Variants in STK32A observed in about 807,000 individuals in gnomAD.
The protein encoded by STK32A is serine/threonine kinase 32A, also known as serine/threonine-protein kinase 32A.
Under a neutral mutation model 53.2 loss-of-function variants are expected in STK32A, and 41 were observed. That is an observed-to-expected ratio of 0.77 (90% confidence interval 0.60 to 1.00). STK32A has a LOEUF of 1.00. STK32A is among the 50% of genes least tolerant of loss of function. The pLI is 0.00. For missense variants in STK32A, 458 were observed against 485.8 expected (o/e 0.94, Z 0.54); for synonymous variants, 166 against 162.8 (o/e 1.02, Z -0.15).
chr5:147,248,733 T>C (rs1422337014), intron 2 of STK32A, among the ~76,000 whole-genome samples: 1 of 152,182 alleles, frequency 6.6e-6, no homozygotes, highest in Non-Finnish European at 1.5e-5. Flanking sequence ...GCACCAGGAA[T>C]GGATAAATCC....
At chr5:147,315,119 A>T (rs547740082) in intron 4 of STK32A, among the ~76,000 whole-genome samples, 1 of 152,302 alleles carries the variant, frequency 6.6e-6, no homozygotes, top group East Asian at 1.9e-4. Context: ...TTGTACATTG[A>T]TAGTGGGAAT....
Position 147,239,726 on chromosome 5 carries a change from T to C in STK32A, c.52+40T>C, listed in dbSNP as rs1180842398. 4 of 1,525,968 alleles carry C rather than the reference T, an allele frequency of 2.6e-6. No individual in the cohort carries two copies. The South Asian group carries it at 4.8e-5, about 18-fold the overall frequency. 94.5% of individuals were successfully genotyped at this position (1,525,968 alleles called of 1,614,324 possible). A position where few individuals can be genotyped will look rare whatever the true frequency, so the allele number is the denominator to read the frequency against. ...ATAGTGGCATATAAAAAATAGAATT[T>C]TGCAAAATTCAAGTATATGCTTCTA... On this transcript the variant is annotated intron_variant, in intron 2 of 12. Coordinates refer to ENST00000397936, the MANE Select transcript of STK32A (RefSeq NM_001112724.2).
rs555689093 is a variant in STK32A at position 147,240,362 on chromosome 5, G to A, written c.52+676G>A. On this transcript the variant is annotated intron_variant, in intron 2 of 12. Coordinates refer to ENST00000397936, the MANE Select transcript of STK32A (RefSeq NM_001112724.2). ...GCAGCTGTTTATAGGTTGTCTGGGG[G>A]AAAAAAATGCCCCAAGCCCCAGGTA... Among the ~76,000 whole-genome samples the A allele has an allele frequency of 1.2e-4, 18 of 152,098 alleles. 1 individual carries two copies. The East Asian group carries it at 1.4e-3, about 11-fold the overall frequency.
chr5:147,303,525 T>C (rs1413126786), intron 4 of STK32A, among the ~76,000 whole-genome samples: 1 of 152,102 alleles, frequency 6.6e-6, no homozygotes, highest in African/African-American at 2.4e-5. Flanking sequence ...GAAGTCAGGC[T>C]CAGATTCAAG....
intron 7 of STK32A, among the ~76,000 whole-genome samples, chr5:147,356,408 T>C (rs906330776): frequency 6.6e-6 from 1 of 152,192 alleles, no homozygotes; most frequent in African/African-American, 2.4e-5. Context: ...ATATTGTATA[T>C]ATAGTACTAT....
At chr5:147,334,786 C>T (rs1755035610) in intron 5 of STK32A, among the ~76,000 whole-genome samples, 1 of 152,180 alleles carries the variant, frequency 6.6e-6, no homozygotes, top group Admixed American at 6.5e-5. Flanking sequence ...TCTAGCTCTT[C>T]TTACACTGGA....
At chr5:147,322,275 C>A (rs1372304513) in intron 4 of STK32A, among the ~76,000 whole-genome samples, 1 of 152,190 alleles carries the variant, frequency 6.6e-6, no homozygotes, top group Non-Finnish European at 1.5e-5. Flanking sequence ...AAGTTTCTGT[C>A]TAAACTCCTC....
At position 147,297,879 on chromosome 5, in the gene STK32A, C is replaced by CT. The variant is rs752342491; in HGVS notation, c.260+18483dup. ...CCTGTAATCTCAGCTACTCAGGAGGCTTAGGCAGGAGAATTGCTTGAACCT... is the reference window on the plus strand; with the variant it reads ...CCTGTAATCTCAGCTACTCAGGAGGCTTTAGGCAGGAGAATTGCTTGAACCT... On this transcript the variant is annotated intron_variant, in intron 4 of 12. Coordinates refer to ENST00000397936, the MANE Select transcript of STK32A (RefSeq NM_001112724.2). Among the ~76,000 whole-genome samples the CT allele has an allele frequency of 6.0e-5, 9 of 150,988 alleles. No homozygotes were observed. In the East Asian group the frequency reaches 9.8e-4, roughly 16 times the overall value.
intron 7 of STK32A, among the ~76,000 whole-genome samples, chr5:147,360,834 AG>A (rs1348411526): frequency 6.6e-6 from 1 of 152,224 alleles, no homozygotes; most frequent in Non-Finnish European, 1.5e-5. Context: ...GGTAAGTAAA[AG>A]GTTCATAGTG....
chr5:147,375,174 C>T lies in STK32A; in HGVS notation c.988C>T (p.Leu330=). The T allele has an allele frequency of 6.2e-7, 1 of 1,610,674 alleles. No homozygotes were observed. The highest frequency in any genetic ancestry group is 8.5e-7 in the Non-Finnish European group (1 of 1,178,500). The change falls in exon 11 of 13, where the codon CTG becomes TTG. Residue 330 remains leucine, a synonymous_variant. Transcript: ENST00000397936. ...ACCTCTACATAAGAAAAAAAAGCGTCTGGCAAAGAAGGAGAAGGATATGAG... is the reference window on the plus strand; with the variant it reads ...ACCTCTACATAAGAAAAAAAAGCGTTTGGCAAAGAAGGAGAAGGATATGAG... ...SKPLHKKKKR[L]AKKEKDMRKC...
Position 147,267,463 on chromosome 5 carries a change from T to A in STK32A, c.53-10661T>A, listed in dbSNP as rs75062996. Among the ~76,000 whole-genome samples the A allele has an allele frequency of 2.8e-3, 426 of 152,298 alleles. 1 individual carries two copies. Among genetic ancestry groups the A allele is most frequent in the African/African-American group, 9.9e-3 (410 of 41,576 alleles). On this transcript the variant is annotated intron_variant, in intron 2 of 12. Transcript: ENST00000397936. ...GTAATTTAACTTTTCTGGGTTTATG[T>A]AACATATCTATAAAGTAGCAATAAT...
chr5:147,369,042 C>A (rs954721574), intron 8 of STK32A, among the ~76,000 whole-genome samples: 1 of 152,034 alleles, frequency 6.6e-6, no homozygotes, highest in African/African-American at 2.4e-5. Flanking sequence ...AGTAACCTAA[C>A]CCTTTGGCTA....
chr5:147,319,127 A>G (rs1395834133), intron 4 of STK32A, among the ~76,000 whole-genome samples: 1 of 150,378 alleles, frequency 6.6e-6, no homozygotes, highest in Non-Finnish European at 1.5e-5. Context: ...AAAAACAAAA[A>G]CACAACTGGT....
rs370696772 is a variant in STK32A at position 147,279,361 on chromosome 5, A to G, written c.223A>G (p.Met75Val). Residue 75 changes from methionine to valine, a missense_variant, in exon 4 of 13, where the codon ATG (methionine) becomes GTG (valine). Transcript: ENST00000397936. ...AAATGTCTTCAAGGAACTCCAGATCATGCAGGGTCTGGAGCACCCTTTCCT... is the reference window on the plus strand; with the variant it reads ...AAATGTCTTCAAGGAACTCCAGATCGTGCAGGGTCTGGAGCACCCTTTCCT... ...VRNVFKELQI[M>V]QGLEHPFLVN... 3 of 1,608,468 alleles carry G rather than the reference A, an allele frequency of 1.9e-6. No individual in the cohort carries two copies. Among genetic ancestry groups the G allele is most frequent in the African/African-American group, 2.7e-5 (2 of 74,878 alleles).
downstream of STK32A, chr5:147,391,743 G>A (rs1026073267): frequency 6.6e-6 from 1 of 152,208 alleles, no homozygotes. Context: ...TGCTTGGAGA[G>A]TTAGTAATGG....
chr5:147,294,045 A>G (rs184625238), intron 4 of STK32A, among the ~76,000 whole-genome samples: 5 of 152,328 alleles, frequency 3.3e-5, no homozygotes, highest in Non-Finnish European at 5.9e-5. Context: ...ACAATTTTCT[A>G]TTAAAGAGAA....
intron 7 of STK32A, among the ~76,000 whole-genome samples, chr5:147,356,244 A>G (rs1756232864): frequency 1.3e-5 from 2 of 152,214 alleles, no homozygotes; most frequent in African/African-American, 4.8e-5. Context: ...ACAATGATGA[A>G]GGTAGAATGT....
chr5:147,397,471 CTCTT>C, the STK32A span, among the ~76,000 whole-genome samples: 1 of 152,146 alleles, frequency 6.6e-6, no homozygotes, highest in South Asian at 2.1e-4. Flanking sequence ...AAAAAAAGCT[CTCTT>C]TGAACAAAAA....
intron 4 of STK32A, among the ~76,000 whole-genome samples, chr5:147,293,661 C>A (rs962971133): frequency 6.6e-6 from 1 of 151,906 alleles, no homozygotes. Context: ...AAAACTTTTA[C>A]TATTTGGTAG....
Sources: gnomAD v4.1 joint callset for allele counts (sites outside exome capture counted in the v4.1 genomes callset) on GRCh38, gnomAD v4.1.1 for gene constraint, MANE v1.5 for transcripts, NCBI Gene and HGNC (gene_info 2026-07-23, HGNC 2026-07-21) for gene names.